The following SPOCK1 variants were observed in gnomAD, a reference collection of about 807,000 sequenced individuals.
SPOCK1 encodes the protein testican-1.
SPOCK1 carries 23 observed loss-of-function variants against 55.3 expected under a neutral mutation model. That is an observed-to-expected ratio of 0.42 (90% CI 0.30 to 0.59). The LOEUF (loss-of-function observed/expected upper bound fraction) is 0.59. SPOCK1 is among the 20% of genes least tolerant of loss of function. SPOCK1 has a pLI of 0.22. For missense variants in SPOCK1, 499 were observed against 552.5 expected, an observed-to-expected ratio of 0.90 and a Z score of 0.97; for synonymous variants, 226 against 221.0, an observed-to-expected ratio of 1.02 and a Z score of -0.20.
chr5:137,306,026 C>T (rs1276015035), intron 2 of SPOCK1, among the ~76,000 whole-genome samples: 1 of 152,200 alleles, frequency 6.6e-6, no homozygotes, highest in African/African-American at 2.4e-5. Flanking sequence ...GTAGGGTGGA[C>T]TGTGTAGTTG....
intron 2 of SPOCK1, among the ~76,000 whole-genome samples, chr5:137,330,480 C>T (rs1758152251): frequency 6.6e-6 from 1 of 152,186 alleles, no homozygotes; most frequent in African/African-American, 2.4e-5. Flanking sequence ...AAACCTATCA[C>T]CAGATGCATT....
chr5:137,435,091 A>T (rs1202089093), intron 2 of SPOCK1, among the ~76,000 whole-genome samples: 1 of 152,212 alleles, frequency 6.6e-6, no homozygotes, highest in African/African-American at 2.4e-5. Context: ...AACATGTTAT[A>T]TTTATAATCT....
chr5:137,264,588 A>T (rs1032957476), intron 3 of SPOCK1, among the ~76,000 whole-genome samples: 2 of 152,156 alleles, frequency 1.3e-5, no homozygotes, highest in Admixed American at 6.5e-5. Context: ...TACAAACTAA[A>T]ACTTTTCCCT....
At chr5:137,305,609 A>T (rs1234070030) in intron 2 of SPOCK1, among the ~76,000 whole-genome samples, 1 of 152,170 alleles carries the variant, frequency 6.6e-6, no homozygotes, top group Non-Finnish European at 1.5e-5. Context: ...CATTTAATCT[A>T]CACCATCTCC....
chr5:137,015,612 A>AC (rs780443763), intron 6 of SPOCK1, among the ~76,000 whole-genome samples: 2 of 152,178 alleles, frequency 1.3e-5, no homozygotes, highest in Non-Finnish European at 2.9e-5. Flanking sequence ...CCTGCTTTGG[A>AC]TGTTGTCACC....
At chr5:137,431,981 C>T (rs1752756044) in intron 2 of SPOCK1, among the ~76,000 whole-genome samples, 1 of 152,172 alleles carries the variant, frequency 6.6e-6, no homozygotes, top group South Asian at 2.1e-4. Context: ...TGATAAACTG[C>T]AGCCAATAAG....
intron 3 of SPOCK1, among the ~76,000 whole-genome samples, chr5:137,184,378 G>A (rs1755025287): frequency 6.6e-6 from 1 of 152,056 alleles, no homozygotes; most frequent in African/African-American, 2.4e-5. Flanking sequence ...TCTCCCCTGG[G>A]CCCACACATG....
chr5:137,274,938 G>C (rs1757033606), intron 2 of SPOCK1, among the ~76,000 whole-genome samples: 1 of 152,194 alleles, frequency 6.6e-6, no homozygotes, highest in Non-Finnish European at 1.5e-5. Context: ...TGTGCATTGA[G>C]TGTGGCATTT....
intron 2 of SPOCK1, among the ~76,000 whole-genome samples, chr5:137,357,328 G>A (rs1750839400): frequency 6.6e-6 from 1 of 152,150 alleles, no homozygotes; most frequent in Non-Finnish European, 1.5e-5. Context: ...CTGTTGTTAG[G>A]GAGTTCACAG....
chr5:137,127,696 T>G (rs1753803619), intron 4 of SPOCK1, among the ~76,000 whole-genome samples: 1 of 152,262 alleles, frequency 6.6e-6, no homozygotes, highest in African/African-American at 2.4e-5. Context: ...CCTATTTCTC[T>G]CTTTTGGGAT....
intron 6 of SPOCK1, among the ~76,000 whole-genome samples, chr5:137,021,201 C>T (rs1751558138): frequency 6.6e-6 from 1 of 152,068 alleles, no homozygotes; most frequent in Middle Eastern, 3.2e-3. Flanking sequence ...TACATAACAG[C>T]AAATGTGATT....
At chr5:137,153,528 C>A (rs1436039030) in intron 3 of SPOCK1, among the ~76,000 whole-genome samples, 1 of 151,942 alleles carries the variant, frequency 6.6e-6, no homozygotes, top group African/African-American at 2.4e-5. Context: ...GAACTCATGA[C>A]CTAGTAGAGA....
intron 2 of SPOCK1, among the ~76,000 whole-genome samples, chr5:137,494,402 T>A (rs763844823): frequency 1.3e-5 from 2 of 152,214 alleles, no homozygotes; most frequent in Non-Finnish European, 2.9e-5. Flanking sequence ...TAGAGTCAGA[T>A]GGCATAGTTC....
intron 3 of SPOCK1, among the ~76,000 whole-genome samples, chr5:137,206,035 C>T (rs377253774): frequency 6.6e-6 from 1 of 152,164 alleles, no homozygotes; most frequent in African/African-American, 2.4e-5. Context: ...GATCAGAAAA[C>T]ACACTGGTAA....
At chr5:137,003,205 T>C (rs1352368127) in intron 6 of SPOCK1, among the ~76,000 whole-genome samples, 2 of 152,080 alleles carry the variant, frequency 1.3e-5, no homozygotes, top group Admixed American at 1.3e-4. Context: ...CAGGAGTTCA[T>C]ATTAGCCTGG....
At chr5:137,296,537 T>A (rs1757488977) in intron 2 of SPOCK1, among the ~76,000 whole-genome samples, 1 of 152,214 alleles carries the variant, frequency 6.6e-6, no homozygotes, top group Non-Finnish European at 1.5e-5. Context: ...CTCCCGGCTC[T>A]GTCTGTGAAC....
At chr5:137,318,112 C>G (rs1757915138) in intron 2 of SPOCK1, among the ~76,000 whole-genome samples, 1 of 152,190 alleles carries the variant, frequency 6.6e-6, no homozygotes, top group Non-Finnish European at 1.5e-5. Context: ...GCATACGTTA[C>G]AAGCAATCTT....
chr5:137,386,571 G>A (rs1751603076), intron 2 of SPOCK1, among the ~76,000 whole-genome samples: 1 of 152,176 alleles, frequency 6.6e-6, no homozygotes, highest in Non-Finnish European at 1.5e-5. Context: ...GTAAAAGGTA[G>A]TCTTTTCAAC....
At chr5:137,233,087 T>A (rs1035537771) in intron 3 of SPOCK1, among the ~76,000 whole-genome samples, 1 of 152,170 alleles carries the variant, frequency 6.6e-6, no homozygotes, top group African/African-American at 2.4e-5. Context: ...ATATCAGCAG[T>A]CCTCACCCTT....
Sources: gnomAD v4.1 joint callset for allele counts (sites outside exome capture counted in the v4.1 genomes callset) on GRCh38, gnomAD v4.1.1 for gene constraint, MANE v1.5 for transcripts, NCBI Gene and HGNC (gene_info 2026-07-23, HGNC 2026-07-21) for gene names.